GRIK4: variants seen among roughly 807,000 people sequenced by gnomAD.
GRIK4 encodes the protein glutamate receptor ionotropic, kainate 4.
GRIK4 carries 40 observed loss-of-function variants against 104.9 expected under a neutral mutation model. That is an observed-to-expected ratio of 0.38 (90% CI 0.30 to 0.50). The LOEUF (loss-of-function observed/expected upper bound fraction) is 0.50, where lower values mean the gene tolerates loss of function less well. Among genes scored for constraint, GRIK4 ranks in the 20% least tolerant of loss-of-function variants. GRIK4 has a pLI of 0.93. For missense variants in GRIK4, 1,047 were observed against 1,308.1 expected, an observed-to-expected ratio of 0.80 and a Z score of 3.08; for synonymous variants, 485 against 524.9, an observed-to-expected ratio of 0.92 and a Z score of 1.04.
At position 120,905,518 on chromosome 11, in the gene GRIK4, GCCTGAGGGTGGGCT is replaced by G; in HGVS notation, c.1476+26_1476+39del. 1.5e-6 allele frequency: 1 copy of G among 658,894 alleles called. No individual in the cohort carries two copies. The highest frequency in any genetic ancestry group is 2.7e-6 in the Non-Finnish European group (1 of 376,832). 40.8% of individuals were successfully genotyped at this position (658,894 alleles called of 1,614,324 possible). On this transcript the variant is annotated intron_variant, in intron 13 of 20. Coordinates refer to ENST00000527524, the MANE Select transcript of GRIK4 (RefSeq NM_014619.5). This position sits in a 1 kb window ranked among gnomAD's most constrained non-coding sequence, Gnocchi z 5.1. The stretch of plus-strand genomic sequence containing the variant: ...GGTAAGGAGAGGACAAGTGATCTGG[GCCTGAGGGTGGGCT>G]GGGAGGGATTGGAAGAGCATGAGGT...
In GRIK4 at chr11:120,903,385, C is replaced by G. The variant is rs1220301411; in HGVS notation, c.1273-1905C>G. Among the ~76,000 whole-genome samples, 1 of 152,124 alleles carries G rather than the reference C, an allele frequency of 6.6e-6. No homozygotes were observed. Among genetic ancestry groups the G allele is most frequent in the Non-Finnish European group, 1.5e-5 (1 of 68,012 alleles). On this transcript the variant is annotated intron_variant, in intron 12 of 20. Coordinates refer to ENST00000527524, the MANE Select transcript of GRIK4 (RefSeq NM_014619.5). The surrounding 1 kb of genome is among the most constrained non-coding windows in gnomAD (Gnocchi z 4.4). ...CAACTCTGGGGCCAGCACGAGCTCC[C>G]TTCTCTCTGTGAACCCACCCATACC...
intron 11 of GRIK4, among the ~76,000 whole-genome samples, chr11:120,880,817 T>G (rs905427936): frequency 6.6e-6 from 1 of 152,240 alleles, no homozygotes. Flanking sequence ...TCAAATATTT[T>G]TTAAAAGTTT....
chr11:120,563,855 C>T (rs1033387740), intron 1 of GRIK4, among the ~76,000 whole-genome samples: 1 of 152,230 alleles, frequency 6.6e-6, no homozygotes, highest in Non-Finnish European at 1.5e-5. Flanking sequence ...GCGCCTCCCA[C>T]ACCTGGGGTC....
chr11:120,897,554 A>G (rs572454346), intron 11 of GRIK4, among the ~76,000 whole-genome samples: 2 of 132,990 alleles, frequency 1.5e-5, no homozygotes, highest in Admixed American at 1.7e-4. Context: ...ATGAGCCGAG[A>G]TCGCACAACT....
At chr11:120,698,629 G>T (rs1950496271) in intron 3 of GRIK4, among the ~76,000 whole-genome samples, 1 of 152,176 alleles carries the variant, frequency 6.6e-6, no homozygotes, top group Non-Finnish European at 1.5e-5. Context: ...AAGCGATTTT[G>T]CCTCCATCAT....
intron 6 of GRIK4, among the ~76,000 whole-genome samples, chr11:120,824,430 C>T (rs905147977): frequency 2.0e-5 from 3 of 152,102 alleles, no homozygotes; most frequent in African/African-American, 7.2e-5. Context: ...CCAGCCCTGC[C>T]GCGGATCTAC....
chr11:120,768,776 T>C (rs1431462256), intron 3 of GRIK4, among the ~76,000 whole-genome samples: 1 of 152,222 alleles, frequency 6.6e-6, no homozygotes, highest in Non-Finnish European at 1.5e-5. Context: ...GTTAAATGTT[T>C]TTCTGCACCA....
At chr11:120,543,709 A>G (rs1278686292) in intron 1 of GRIK4, among the ~76,000 whole-genome samples, 1 of 152,240 alleles carries the variant, frequency 6.6e-6, no homozygotes, top group African/African-American at 2.4e-5. Context: ...TCCCATGTGC[A>G]TTGCAGCACT....
intron 6 of GRIK4, among the ~76,000 whole-genome samples, chr11:120,823,425 C>T (rs1364743860): frequency 6.6e-6 from 1 of 152,244 alleles, no homozygotes; most frequent in African/African-American, 2.4e-5. Context: ...TGGCAAAGCA[C>T]TTTCACTTAA....
intron 6 of GRIK4, among the ~76,000 whole-genome samples, chr11:120,831,459 A>G (rs1285237197): frequency 6.6e-6 from 1 of 152,138 alleles, no homozygotes; most frequent in Non-Finnish European, 1.5e-5. Context: ...GGAGAAGTCC[A>G]TGAATTAGGG....
chr11:120,600,037 C>T (rs749959274), intron 1 of GRIK4, among the ~76,000 whole-genome samples: 5 of 152,200 alleles, frequency 3.3e-5, no homozygotes, highest in South Asian at 4.1e-4. Flanking sequence ...GCTCTAGAAG[C>T]GACCTTGCCA....
Position 120,956,792 on chromosome 11 carries a change from C to T in GRIK4, c.1713C>T (p.Tyr571=), listed in dbSNP as rs781294763. 6 of 1,592,568 alleles carry T rather than the reference C, an allele frequency of 3.8e-6. No homozygotes were observed. The highest frequency in any genetic ancestry group is 1.1e-5 in the South Asian group (1 of 88,672). The part of the protein sequence containing the change: ...VLFLVARLTP[Y]EWYSPHPCAQ... ...TTTTCTCCCACAGGTTGACGCCCTA[C>T]GAGTGGTACAGCCCACACCCATGTG... The change falls in exon 16 of 21, where the codon TAC becomes TAT. Residue 571 remains tyrosine, a synonymous_variant. Transcript: ENST00000527524. The surrounding 1 kb of genome is among the most constrained non-coding windows in gnomAD (Gnocchi z 4.6).
chr11:120,954,867 T>C (rs1451667687), intron 15 of GRIK4, among the ~76,000 whole-genome samples: 2 of 148,264 alleles, frequency 1.3e-5, no homozygotes, highest in African/African-American at 2.5e-5. Context: ...TGTCTTAAGG[T>C]AGTGATTTTC....
At chr11:120,842,223 G>T (rs981538119) in intron 8 of GRIK4, among the ~76,000 whole-genome samples, 1 of 152,194 alleles carries the variant, frequency 6.6e-6, no homozygotes, top group African/African-American at 2.4e-5. Flanking sequence ...GGTGTTTCTG[G>T]TAAGCAGCAT....
chr11:120,599,619 G>A (rs1393695356), intron 1 of GRIK4, among the ~76,000 whole-genome samples: 1 of 152,210 alleles, frequency 6.6e-6, no homozygotes, highest in Non-Finnish European at 1.5e-5. Flanking sequence ...TCCCTCTTGT[G>A]CTTCCAGGGA....
chr11:120,837,366 A>C (rs1953600361), intron 8 of GRIK4, among the ~76,000 whole-genome samples: 1 of 152,164 alleles, frequency 6.6e-6, no homozygotes, highest in South Asian at 2.1e-4. Flanking sequence ...AGAGGAATTT[A>C]GTGTGACCTT....
intron 12 of GRIK4, among the ~76,000 whole-genome samples, chr11:120,901,149 A>T (rs1000567199): frequency 2.6e-5 from 4 of 152,182 alleles, no homozygotes; most frequent in Admixed American, 6.5e-5. Flanking sequence ...GGTCATTTGA[A>T]AATCAGAATT....
At chr11:120,609,733 C>G (rs563393241) in intron 1 of GRIK4, among the ~76,000 whole-genome samples, 1 of 152,018 alleles carries the variant, frequency 6.6e-6, no homozygotes, top group East Asian at 1.9e-4. Context: ...AGGCTGGTCT[C>G]GAACTCCTGA....
intron 6 of GRIK4, among the ~76,000 whole-genome samples, chr11:120,825,282 T>A (rs2135552789): frequency 2.0e-5 from 3 of 152,320 alleles, no homozygotes; most frequent in African/African-American, 7.2e-5. Flanking sequence ...TCCCCACATC[T>A]TCTGCTACTT....
Sources: gnomAD v4.1 joint callset for allele counts (sites outside exome capture counted in the v4.1 genomes callset) on GRCh38, gnomAD v4.1.1 for gene constraint, Gnocchi (gnomAD v3.1) non-coding constraint, MANE v1.5 for transcripts, NCBI Gene and HGNC (gene_info 2026-07-23, HGNC 2026-07-21) for gene names.